The following MTRES1 variants were observed in gnomAD, a reference collection of about 807,000 sequenced individuals.
MTRES1 encodes the protein mitochondrial transcription rescue factor 1, also known as uncharacterized protein C6orf203.
In MTRES1, 11 loss-of-function variants were observed where a neutral mutation model predicts 17.4. That is an observed-to-expected ratio of 0.63 (90% confidence interval 0.40 to 1.05). The LOEUF (loss-of-function observed/expected upper bound fraction) is 1.05. MTRES1 is among the 50% of genes least tolerant of loss of function. The pLI is 0.00. For missense variants in MTRES1, 268 were observed against 276.2 expected (o/e 0.97, Z 0.21); for synonymous variants, 94 against 99.6 (o/e 0.94, Z 0.34).
chr6:107,043,608 A>C (rs944983433), intron 2 of MTRES1, among the ~76,000 whole-genome samples: 1 of 151,990 alleles, frequency 6.6e-6, no homozygotes, highest in Non-Finnish European at 1.5e-5. Flanking sequence ...AGGAAGTGAA[A>C]ATATATTTAC....
intron 1 of MTRES1, among the ~76,000 whole-genome samples, chr6:107,033,779 A>C (rs1762685): frequency 0.95 from 144,064 of 152,106 alleles, 68,410 homozygotes; most frequent in East Asian, 1. Flanking sequence ...GATTGTACCA[A>C]TGCACTCCAG....
chr6:107,040,725 C>T (rs568285089), intron 2 of MTRES1: 15 of 152,298 alleles, frequency 9.8e-5, no homozygotes, highest in Admixed American at 5.3e-4. Context: ...AAAAATTAGC[C>T]GGGCGAGGTG....
At chr6:107,043,465 A>T (rs1466898091) in intron 2 of MTRES1, among the ~76,000 whole-genome samples, 2 of 152,194 alleles carry the variant, frequency 1.3e-5, no homozygotes, top group African/African-American at 4.8e-5. Context: ...ACACTCAGAA[A>T]ACTTAACTAC....
rs1236379850 is a variant in MTRES1 at position 107,030,009 on chromosome 6, C to G, written c.-13+1738C>G. On this transcript the variant is annotated intron_variant, in intron 1 of 3. Transcript: ENST00000311381. ...ACAGGGTGTTTTTTTTTTTGTCTAC[C>G]TGTTTCCCCTACTAGACTATAAACT... 4 of 688,834 alleles carry G rather than the reference C, an allele frequency of 5.8e-6. No homozygotes were observed. The African/African-American group carries it at 7.3e-5, about 13-fold the overall frequency. 42.7% of individuals were successfully genotyped at this position (688,834 alleles called of 1,614,324 possible).
At chr6:107,034,693 G>A (rs1619276) in intron 1 of MTRES1, among the ~76,000 whole-genome samples, 143,528 of 152,248 alleles carry the variant, frequency 0.94, 67,889 homozygotes, top group East Asian at 1. Context: ...GAGCTTTAAG[G>A]AGACTTGACC....
Position 107,048,835 on chromosome 6 carries a change from AC to A in MTRES1, c.544-2215del, listed in dbSNP as rs532253955. On this transcript the variant is annotated intron_variant, in intron 3 of 3. Transcript: ENST00000311381. ...ACCAGCAGAACTACAGAAGGGTGGAACCCCCCCACCCCTGCCCAGGTACCTG... is the reference window on the plus strand; with the variant it reads ...ACCAGCAGAACTACAGAAGGGTGGAACCCCCCACCCCTGCCCAGGTACCTG... Among the ~76,000 whole-genome samples the A allele has an allele frequency of 2.0e-3, 299 of 151,076 alleles. 2 individuals carry two copies. The highest frequency in any genetic ancestry group is 6.9e-3 in the African/African-American group (284 of 41,154).
rs979791091 is a variant in MTRES1 at position 107,036,395 on chromosome 6, T to C, written c.-12-3354T>C. On this transcript the variant is annotated intron_variant, in intron 1 of 3. Coordinates refer to ENST00000311381, the MANE Select transcript of MTRES1 (RefSeq NM_016487.5). ...CCCATCTCTACTAAAAATACAAAAT[T>C]AGCCAGACGTGGTAGCGCATGCCTG... 3.3e-5 allele frequency among the ~76,000 whole-genome samples: 5 copies of C among 151,808 alleles called. No homozygotes were observed. The East Asian group carries it at 9.7e-4, about 30-fold the overall frequency.
chr6:107,028,976 G>C (rs777443508), intron 1 of MTRES1: 2 of 539,626 alleles, frequency 3.7e-6, no homozygotes, highest in African/African-American at 4.1e-5. Flanking sequence ...TCATTCGAAT[G>C]CACCCGTCCT....
intron 1 of MTRES1, among the ~76,000 whole-genome samples, chr6:107,032,541 T>C (rs1301439045): frequency 6.6e-6 from 1 of 152,100 alleles, no homozygotes; most frequent in African/African-American, 2.4e-5. Context: ...TGAAACCCCA[T>C]CTCTGCTAAA....
At chr6:107,028,971 C>G (rs1773730016) in intron 1 of MTRES1, 2 of 546,478 alleles carry the variant, frequency 3.7e-6, no homozygotes, top group Middle Eastern at 8.9e-4. Context: ...CTGATTCATT[C>G]GAATGCACCC....
Position 107,040,109 on chromosome 6 carries a change from G to A in MTRES1, c.349G>A (p.Glu117Lys), listed in dbSNP as rs782340917. ...DEESHHDEMS[E>K]QEEELEDDPT... ...AGAAAGCCATCATGATGAGATGAGT[G>A]AGCAGGAAGAGGAGCTTGAGGATGA... is the stretch of plus-strand genomic sequence containing the variant. Residue 117 changes from glutamate (E) to lysine (K), a missense_variant, in exon 2 of 4, where the codon GAG becomes AAG. Coordinates refer to ENST00000311381, the MANE Select transcript of MTRES1 (RefSeq NM_016487.5). 2 of 1,613,772 alleles carry A rather than the reference G, an allele frequency of 1.2e-6. No individual in the cohort carries two copies. Among genetic ancestry groups the A allele is most frequent in the South Asian group, 1.1e-5 (1 of 90,964 alleles).
At chr6:107,050,016 C>T (rs908111332) in intron 3 of MTRES1, among the ~76,000 whole-genome samples, 3 of 152,178 alleles carry the variant, frequency 2.0e-5, no homozygotes, top group African/African-American at 4.8e-5. Context: ...CCACTGTGCT[C>T]GGCCCTGTTT....
At position 107,039,142 on chromosome 6, in the gene MTRES1, T is replaced by C. The variant is rs552304737; in HGVS notation, c.-12-607T>C. On this transcript the variant is annotated intron_variant, in intron 1 of 3. Transcript: ENST00000311381. ...AGGAGCAATCAGTACCCAAAGCTAA[T>C]TTGTGGGAGGGAGAAGAGTAGAACC... Among the ~76,000 whole-genome samples the C allele has an allele frequency of 1.5e-4, 23 of 152,138 alleles. No individual in the cohort carries two copies. The South Asian group carries it at 4.6e-3, about 30-fold the overall frequency.
chr6:107,039,010 C>T (rs1372878371), intron 1 of MTRES1, among the ~76,000 whole-genome samples: 5 of 151,990 alleles, frequency 3.3e-5, no homozygotes, highest in African/African-American at 9.7e-5. Context: ...GCCGAGATCA[C>T]GCCATTGCAC....
chr6:107,030,409 A>G (rs1773796948), intron 1 of MTRES1, among the ~76,000 whole-genome samples: 1 of 152,212 alleles, frequency 6.6e-6, no homozygotes, highest in Non-Finnish European at 1.5e-5. Flanking sequence ...CTCAGCACGT[A>G]GTCATACTCA....
intron 1 of MTRES1, among the ~76,000 whole-genome samples, chr6:107,034,054 A>C (rs1284100908): frequency 6.6e-6 from 1 of 152,226 alleles, no homozygotes; most frequent in Non-Finnish European, 1.5e-5. Flanking sequence ...GCTAATAAAC[A>C]CAAGGGAATA....
chr6:107,049,508 G>A (rs1447348378), intron 3 of MTRES1, among the ~76,000 whole-genome samples: 4 of 149,584 alleles, frequency 2.7e-5, no homozygotes, highest in African/African-American at 9.9e-5. Flanking sequence ...CCGCCTCCCG[G>A]ATTCATGCCA....
At chr6:107,031,206 C>T (rs1284187406) in intron 1 of MTRES1, among the ~76,000 whole-genome samples, 1 of 151,528 alleles carries the variant, frequency 6.6e-6, no homozygotes, top group African/African-American at 2.4e-5. Flanking sequence ...GTGGTGAAAC[C>T]CTGTGTCTAC....
At chr6:107,035,627 C>T (rs1309219387) in intron 1 of MTRES1, among the ~76,000 whole-genome samples, 1 of 151,966 alleles carries the variant, frequency 6.6e-6, no homozygotes, top group Non-Finnish European at 1.5e-5. Flanking sequence ...CAGTGGTTAA[C>T]ATAGAGTGGA....
Sources: allele counts gnomAD v4.1 joint callset (sites outside exome capture counted in the v4.1 genomes callset), GRCh38; gene constraint gnomAD v4.1.1; transcripts MANE v1.5; gene names NCBI Gene and HGNC (gene_info 2026-07-23, HGNC 2026-07-21).